CNTNAP2: variants seen among roughly 807,000 people sequenced by gnomAD.
The protein encoded by CNTNAP2 is contactin associated protein 2.
A neutral mutation model predicts 155.2 loss-of-function variants in CNTNAP2; 98 were observed. That is an observed-to-expected ratio of 0.63 (90% CI 0.54 to 0.75). The LOEUF is 0.75. Ranked by LOEUF, CNTNAP2 falls within the 30% of genes least tolerant of loss-of-function variation. The probability of loss-of-function intolerance (pLI) is 0.00; values close to 1 mark genes in which losing one functional copy is unlikely to be tolerated. For synonymous variants in CNTNAP2, 651 were observed against 631.2 expected, an observed-to-expected ratio of 1.03 and a Z score of -0.47; for missense variants, 1,727 against 1,688.1, an observed-to-expected ratio of 1.02 and a Z score of -0.40.
In CNTNAP2 at chr7:147,772,489, C is replaced by CAAAAA. The variant is rs1243346516; in HGVS notation, c.2099-131075_2099-131074insAAAAA. ...ATATATATATATATATATATACACACACAAAAAAAAAACCACAAAAGAGGT... is the reference window on the plus strand; with the variant it reads ...ATATATATATATATATATATACACACAAAAAACAAAAAAAAAACCACAAAAGAGGT... On this transcript the variant is annotated intron_variant, in intron 13 of 23. Coordinates refer to ENST00000361727, the MANE Select transcript of CNTNAP2 (RefSeq NM_014141.6). 4.8e-5 allele frequency among the ~76,000 whole-genome samples: 5 copies of CAAAAA among 103,648 alleles called. 1 individual carries two copies. Among genetic ancestry groups the CAAAAA allele is most frequent in the African/African-American group, 2.0e-4 (5 of 25,246 alleles). The allele number at this position is 103,648 out of a possible 152,430, so 68.0% of individuals were successfully genotyped here. A position where few individuals can be genotyped will look rare whatever the true frequency, so the allele number is the denominator to read the frequency against.
intron 1 of CNTNAP2, among the ~76,000 whole-genome samples, chr7:146,690,623 C>T (rs1800682618): frequency 6.6e-6 from 1 of 152,076 alleles, no homozygotes; most frequent in African/African-American, 2.4e-5. Flanking sequence ...TGCTCTCGAC[C>T]AGTAGAAGGT....
intron 13 of CNTNAP2, among the ~76,000 whole-genome samples, chr7:147,645,200 A>G (rs1795346935): frequency 1.3e-5 from 2 of 152,174 alleles, no homozygotes; most frequent in Admixed American, 1.3e-4. Context: ...AGTGGCTTTG[A>G]AAAGACAAGA....
chr7:146,485,909 T>C (rs1443284835), intron 1 of CNTNAP2, among the ~76,000 whole-genome samples: 1 of 152,196 alleles, frequency 6.6e-6, no homozygotes, highest in African/African-American at 2.4e-5. Context: ...TACAATTTAA[T>C]CTGTCTATAC....
At chr7:146,614,194 T>C (rs1216648653) in intron 1 of CNTNAP2, among the ~76,000 whole-genome samples, 2 of 152,218 alleles carry the variant, frequency 1.3e-5, no homozygotes, top group East Asian at 1.9e-4. Context: ...TTAAAACTCC[T>C]CTTAGAAATG....
intron 4 of CNTNAP2, among the ~76,000 whole-genome samples, chr7:147,061,969 A>AC (rs1799685354): frequency 6.6e-6 from 1 of 151,774 alleles, no homozygotes; most frequent in Admixed American, 6.6e-5. Context: ...TCTACTAAAA[A>AC]TACAAAAATT....
At chr7:147,535,529 A>G (rs1043644846) in intron 11 of CNTNAP2, among the ~76,000 whole-genome samples, 6 of 152,240 alleles carry the variant, frequency 3.9e-5, no homozygotes, top group Non-Finnish European at 7.3e-5. Flanking sequence ...CCTAAAATCT[A>G]AGATGGCTGC....
At chr7:146,574,863 A>C (rs1447221549) in intron 1 of CNTNAP2, among the ~76,000 whole-genome samples, 19 of 152,138 alleles carry the variant, frequency 1.2e-4, no homozygotes, top group Admixed American at 9.8e-4. Flanking sequence ...GATTGACACA[A>C]TTGCTAGACT....
At chr7:146,172,290 A>C (rs1016477099) in intron 1 of CNTNAP2, among the ~76,000 whole-genome samples, 2 of 151,998 alleles carry the variant, frequency 1.3e-5, no homozygotes, top group Non-Finnish European at 2.9e-5. Flanking sequence ...AATTCTGGGG[A>C]GAGGAATGCT....
intron 1 of CNTNAP2, among the ~76,000 whole-genome samples, chr7:146,566,776 C>A (rs982924388): frequency 2.0e-5 from 3 of 151,864 alleles, no homozygotes; most frequent in Non-Finnish European, 4.4e-5. Context: ...TTACAAGTAA[C>A]CTAGTTGGAT....
At chr7:147,444,649 A>G (rs1197853071) in intron 10 of CNTNAP2, among the ~76,000 whole-genome samples, 1 of 151,456 alleles carries the variant, frequency 6.6e-6, no homozygotes, top group African/African-American at 2.4e-5. Flanking sequence ...CTCTGCATAG[A>G]TTATTGACAA....
intron 1 of CNTNAP2, among the ~76,000 whole-genome samples, chr7:146,283,753 C>T (rs1176849173): frequency 2.6e-5 from 4 of 152,080 alleles, no homozygotes; most frequent in Non-Finnish European, 4.4e-5. Context: ...TGGATAGACA[C>T]TGGTGTTTCC....
At chr7:147,142,436 G>T (rs1334464759) in intron 8 of CNTNAP2, among the ~76,000 whole-genome samples, 1 of 152,160 alleles carries the variant, frequency 6.6e-6, no homozygotes, top group Non-Finnish European at 1.5e-5. Context: ...ACTTGATCAT[G>T]GTGGATAAGC....
At chr7:147,544,958 A>G (rs950924079) in intron 11 of CNTNAP2, among the ~76,000 whole-genome samples, 2 of 152,024 alleles carry the variant, frequency 1.3e-5, no homozygotes, top group Non-Finnish European at 2.9e-5. Context: ...TCTTTCCTTT[A>G]TAAATTACTC....
chr7:147,126,662 G>A (rs1418919728), intron 6 of CNTNAP2, among the ~76,000 whole-genome samples: 2 of 152,004 alleles, frequency 1.3e-5, no homozygotes, highest in African/African-American at 4.8e-5. Flanking sequence ...TAGTAGAGAT[G>A]GGGTTTCTCC....
intron 13 of CNTNAP2, among the ~76,000 whole-genome samples, chr7:147,898,971 T>G (rs949344721): frequency 2.0e-5 from 3 of 152,220 alleles, no homozygotes; most frequent in Non-Finnish European, 4.4e-5. Context: ...CAAAATGTCT[T>G]TTTTAGGTCT....
intron 12 of CNTNAP2, among the ~76,000 whole-genome samples, chr7:147,627,413 C>G (rs1197823658): frequency 6.6e-6 from 1 of 151,916 alleles, no homozygotes; most frequent in African/African-American, 2.4e-5. Context: ...GATATTAAAA[C>G]AAGGTGGGGC....
chr7:146,349,332 C>T (rs1235409940), intron 1 of CNTNAP2, among the ~76,000 whole-genome samples: 2 of 152,164 alleles, frequency 1.3e-5, no homozygotes, highest in Non-Finnish European at 2.9e-5. Context: ...TACCTAAGAA[C>T]GAATTCAACA....
intron 8 of CNTNAP2, among the ~76,000 whole-genome samples, chr7:147,148,076 A>G (rs983394469): frequency 3.3e-5 from 5 of 152,214 alleles, no homozygotes; most frequent in Admixed American, 3.3e-4. Context: ...CTATAAAGAA[A>G]TCATGCAACA....
At chr7:148,299,141 C>T (rs1025873652) in intron 21 of CNTNAP2, among the ~76,000 whole-genome samples, 1 of 152,070 alleles carries the variant, frequency 6.6e-6, no homozygotes, top group African/African-American at 2.4e-5. Context: ...CAGGCGCCCA[C>T]GACCACGCCT....
Sources: allele counts gnomAD v4.1 joint callset (sites outside exome capture counted in the v4.1 genomes callset), GRCh38; gene constraint gnomAD v4.1.1; transcripts MANE v1.5; gene names NCBI Gene and HGNC (gene_info 2026-07-23, HGNC 2026-07-21).